Variants in ZCRB1 observed in about 807,000 individuals in gnomAD.
ZCRB1 encodes zinc finger CCHC-type and RNA binding motif containing 1, also known as zinc finger CCHC-type and RNA-binding motif-containing protein 1.
Under a neutral mutation model 29.9 loss-of-function variants are expected in ZCRB1, and 21 were observed. That is an observed-to-expected ratio of 0.70 (90% CI 0.50 to 1.01). The LOEUF (loss-of-function observed/expected upper bound fraction) is 1.01. Ranked by LOEUF, ZCRB1 falls within the 50% of genes least tolerant of loss-of-function variation. ZCRB1 has a pLI of 0.00. For missense variants in ZCRB1, 204 were observed against 253.3 expected (o/e 0.81, Z 1.32); for synonymous variants, 77 against 80.0 (o/e 0.96, Z 0.20).
intron 7 of ZCRB1, 126 bp downstream of exon 7, chr12:42,313,564 T>G (rs2068579449): frequency 1.0e-6 from 1 of 985,126 alleles, no homozygotes; most frequent in Non-Finnish European, 1.5e-6. Context: ...AGAAACAGCT[T>G]GTCTCCTAAG....
chr12:42,323,637 CTT>C (rs1225846952), intron 2 of ZCRB1: 44 of 152,590 alleles, frequency 2.9e-4, no homozygotes, highest in Non-Finnish European at 4.6e-4. Flanking sequence ...ATTTTTTTTT[CTT>C]TTTTTTTTTT....
intron 7 of ZCRB1, 126 bp from the exon 8 acceptor site, chr12:42,313,324 A>C (rs1490843060): frequency 2.0e-6 from 2 of 994,858 alleles, no homozygotes; most frequent in Non-Finnish European, 2.8e-6. Flanking sequence ...CCATGCAGAC[A>C]ATAAGATCTG....
chr12:42,320,895 A>G (rs1338356581), intron 3 of ZCRB1, among the ~76,000 whole-genome samples: 1 of 152,196 alleles, frequency 6.6e-6, no homozygotes, highest in Non-Finnish European at 1.5e-5. Flanking sequence ...TGGTAACCTG[A>G]CCAAGAAGTA....
chr12:42,313,447 G>A (rs1013937534), intron 7 of ZCRB1, among the ~76,000 whole-genome samples: 1 of 152,092 alleles, frequency 6.6e-6, no homozygotes, highest in African/African-American at 2.4e-5. Flanking sequence ...AAATAGTTCT[G>A]CTCATTTCTT....
intron 6 of ZCRB1, 42 bp downstream of exon 6, chr12:42,313,832 A>G (rs2068580703): frequency 1.4e-5 from 23 of 1,610,610 alleles, no homozygotes; most frequent in Non-Finnish European, 2.0e-5. Flanking sequence ...CCAAAAGACA[A>G]AAGCAACATG....
intron 1 of ZCRB1, chr12:42,325,264 T>C (rs907278442): frequency 6.6e-6 from 1 of 152,076 alleles, no homozygotes; most frequent in African/African-American, 2.4e-5. Context: ...TGTCTTAATA[T>C]TTTTTTTCTC....
In ZCRB1 at chr12:42,324,061, T is replaced by C; in HGVS notation, c.42A>G (p.Val14=). 1 of 1,614,210 alleles carries C rather than the reference T, an allele frequency of 6.2e-7. No homozygotes were observed. The highest frequency in any genetic ancestry group is 1.3e-5 in the African/African-American group (1 of 75,052). The change falls in exon 2 of 8, where the codon GTA becomes GTG. Residue 14 remains valine (V), a synonymous_variant. Transcript: ENST00000266529. ...GLAPSKSTVY[V]SNLPFSLTNN... ...TTGTCAGGGAAAAAGGCAAGTTGGA[T>C]ACATACACTGTGCTCTTACTTGGAG...
chr12:42,314,069 A>G, intron 5 of ZCRB1, 83 bp from the exon 6 acceptor site: 4 of 1,423,690 alleles, frequency 2.8e-6, no homozygotes, highest in Non-Finnish European at 3.8e-6. Flanking sequence ...TTATTACTAA[A>G]AAGTTTTCAA....
In ZCRB1 at chr12:42,322,467, T is replaced by A. The variant is rs375358606; in HGVS notation, c.85-21A>T. 7.1e-5 allele frequency: 104 copies of A among 1,474,786 alleles called. No homozygotes were observed. The African/African-American group carries it at 1.4e-3, about 20-fold the overall frequency. The allele number at this position is 1,474,786 out of a possible 1,614,324, so 91.4% of individuals were successfully genotyped here. A position where few individuals can be genotyped will look rare whatever the true frequency, so the allele number is the denominator to read the frequency against. On this transcript the variant is annotated intron_variant, in intron 2 of 7. Transcript: ENST00000266529. The stretch of plus-strand genomic sequence containing the variant: ...AATATCTGAAACAAAAGACCAAATA[T>A]TTACAATTTATTTTAAAATCATAAA...
chr12:42,321,258 C>G (rs980855236), intron 3 of ZCRB1, among the ~76,000 whole-genome samples: 5 of 152,142 alleles, frequency 3.3e-5, no homozygotes, highest in Non-Finnish European at 7.3e-5. Context: ...GAGATCCATT[C>G]AGAGATTCTA....
chr12:42,325,975 G>A lies in ZCRB1; in HGVS notation c.-54C>T, dbSNP rs997121679. 1 of 152,344 alleles carries A rather than the reference G, an allele frequency of 6.6e-6. No individual in the cohort carries two copies. Among genetic ancestry groups the A allele is most frequent in the African/African-American group, 2.4e-5 (1 of 41,484 alleles). The allele number at this position is 152,344 out of a possible 1,614,324, so 9.4% of individuals were successfully genotyped here. A position where few individuals can be genotyped will look rare whatever the true frequency, so the allele number is the denominator to read the frequency against. On this transcript the variant is annotated 5_prime_UTR_variant, in exon 1 of 8. Coordinates refer to ENST00000266529, the MANE Select transcript of ZCRB1 (RefSeq NM_033114.4). ...CAGAAGAGTGCGAGCCCTCGGCTCA[G>A]CTGGGGCTCAACCCCGACTCTTCGT... is the stretch of plus-strand genomic sequence containing the variant.
intron 7 of ZCRB1, 147 bp downstream of exon 7, chr12:42,313,543 A>G (rs953173359): frequency 1.7e-5 from 14 of 825,780 alleles, no homozygotes; most frequent in Non-Finnish European, 2.6e-5. Context: ...CACACTGGCT[A>G]AGTACCTCAG....
chr12:42,312,894 A>T lies in ZCRB1; in HGVS notation c.*173T>A, dbSNP rs534899571. 7.4e-5 allele frequency: 47 copies of T among 638,326 alleles called. No individual in the cohort carries two copies. Among genetic ancestry groups the T allele is most frequent in the Admixed American group, 2.6e-4 (6 of 23,154 alleles). The allele number at this position is 638,326 out of a possible 1,614,324, so 39.5% of individuals were successfully genotyped here. A position where few individuals can be genotyped will look rare whatever the true frequency, so the allele number is the denominator to read the frequency against. On this transcript the variant is annotated 3_prime_UTR_variant, in exon 8 of 8. Coordinates refer to ENST00000266529, the MANE Select transcript of ZCRB1 (RefSeq NM_033114.4). ...TCCTCATGTAAACAAATCAGGCATGAATAAAGCCCTTATAATGAACTTTTC... is the reference window on the plus strand; with the variant it reads ...TCCTCATGTAAACAAATCAGGCATGTATAAAGCCCTTATAATGAACTTTTC...
In ZCRB1 at chr12:42,313,209, A is replaced by G. The variant is rs565406711; in HGVS notation, c.523-11T>C. The stretch of plus-strand genomic sequence containing the variant: ...TTCAATTTTGGCTTGCTGTGATTCA[A>G]AAAACAAAACAAAACCAATAACCTG... On this transcript the variant is annotated splice_polypyrimidine_tract_variant and intron_variant, in intron 7 of 7. Transcript: ENST00000266529. The G allele has an allele frequency of 1.0e-5, 16 of 1,600,682 alleles. No individual in the cohort carries two copies. The South Asian group carries it at 1.5e-4, about 15-fold the overall frequency.
At chr12:42,314,396 CT>C (rs2068584518) in intron 5 of ZCRB1, among the ~76,000 whole-genome samples, 1 of 29,200 alleles carries the variant, frequency 3.4e-5, no homozygotes, top group African/African-American at 1.3e-4. Flanking sequence ...CCCGTCTCTA[CT>C]AAAAAAAAAA....
intron 5 of ZCRB1, among the ~76,000 whole-genome samples, chr12:42,316,534 T>C (rs1223821591): frequency 6.6e-6 from 1 of 152,146 alleles, no homozygotes; most frequent in Non-Finnish European, 1.5e-5. Context: ...ACCAAAACTT[T>C]AAATGGATAA....
At chr12:42,323,225 T>TAGC (rs570919949) in intron 2 of ZCRB1, among the ~76,000 whole-genome samples, 5 of 152,330 alleles carry the variant, frequency 3.3e-5, no homozygotes, top group African/African-American at 1.2e-4. Flanking sequence ...ATAGCAGTGT[T>TAGC]AGCAACACTG....
chr12:42,316,395 C>T (rs994559272), intron 5 of ZCRB1, among the ~76,000 whole-genome samples: 10 of 152,124 alleles, frequency 6.6e-5, no homozygotes, highest in African/African-American at 1.7e-4. Context: ...CCACTGTGCC[C>T]GGCCTGTTTC....
chr12:42,318,010 A>G (rs2068603241), intron 3 of ZCRB1, 112 bp from the exon 4 acceptor site: 1 of 795,688 alleles, frequency 1.3e-6, no homozygotes, highest in African/African-American at 1.8e-5. Context: ...AAATTAATAC[A>G]TTTGAAAAAT....
Sources: allele counts gnomAD v4.1 joint callset (sites outside exome capture counted in the v4.1 genomes callset), GRCh38; gene constraint gnomAD v4.1.1; transcripts MANE v1.5; gene names NCBI Gene and HGNC (gene_info 2026-07-23, HGNC 2026-07-21).